The following EFCAB7 variants were observed in gnomAD, a reference collection of about 807,000 sequenced individuals.
The protein encoded by EFCAB7 is EF-hand calcium binding domain 7, also known as EF-hand calcium-binding domain-containing protein 7.
Under a neutral mutation model 77.1 loss-of-function variants are expected in EFCAB7, and 66 were observed. That is an observed-to-expected ratio of 0.86 (90% CI 0.70 to 1.05). The LOEUF (loss-of-function observed/expected upper bound fraction) is 1.05, where lower values mean the gene tolerates loss of function less well. Ranked by LOEUF, EFCAB7 falls within the 50% of genes least tolerant of loss-of-function variation. The pLI, the probability that EFCAB7 is intolerant of heterozygous loss-of-function variation, is 0.00. For synonymous variants in EFCAB7, 225 were observed against 243.3 expected (o/e 0.92, Z 0.70); for missense variants, 638 against 730.5 (o/e 0.87, Z 1.46).
intron 11 of EFCAB7, among the ~76,000 whole-genome samples, chr1:63,562,449 T>TTTTATATA (rs1647115904): frequency 4.4e-5 from 1 of 22,484 alleles, no homozygotes; most frequent in Non-Finnish European, 7.5e-5. Flanking sequence ...CTTAATTTAT[T>TTTTATATA]TATATATATA....
chr1:63,530,428 T>C (rs1218909292), intron 2 of EFCAB7, among the ~76,000 whole-genome samples: 1 of 152,236 alleles, frequency 6.6e-6, no homozygotes, highest in East Asian at 1.9e-4. Context: ...AAATTTATCA[T>C]TGGTTCATTT....
intron 7 of EFCAB7, among the ~76,000 whole-genome samples, chr1:63,551,388 C>G (rs887928792): frequency 6.6e-6 from 1 of 152,078 alleles, no homozygotes; most frequent in African/African-American, 2.4e-5. Context: ...GTCAGGAGAT[C>G]GAGACCATCC....
chr1:63,561,748 G>A lies in EFCAB7; in HGVS notation c.1388G>A (p.Gly463Glu). Reference sequence around the variant, plus strand: ...AAGAGGAATGAACTAACAAGACAAGGATTTATGGATTTGAATCTAATGGAA... The same window carrying A: ...AAGAGGAATGAACTAACAAGACAAGAATTTATGGATTTGAATCTAATGGAA... ...DTKRNELTRQ[G>E]FMDLNLMEAN... The change falls in exon 11 of 14, where the codon GGA becomes GAA. Residue 463 changes from glycine (G) to glutamate (E), a missense_variant. Coordinates refer to ENST00000371088, the MANE Select transcript of EFCAB7 (RefSeq NM_032437.4). 1 of 1,609,492 alleles carries A rather than the reference G, an allele frequency of 6.2e-7. No homozygotes were observed.
At chr1:63,569,909 T>C (rs1343201613) in intron 12 of EFCAB7, 2 of 152,184 alleles carry the variant, frequency 1.3e-5, no homozygotes, top group African/African-American at 4.8e-5. Flanking sequence ...AGGGAGTTAC[T>C]ACGTTACCCC....
At chr1:63,539,146 C>T (rs559410039) in intron 6 of EFCAB7, among the ~76,000 whole-genome samples, 8 of 152,318 alleles carry the variant, frequency 5.3e-5, no homozygotes, top group African/African-American at 1.7e-4. Context: ...TAATCTGTGG[C>T]ACTGCCCCAG....
chr1:63,576,036 TGC>T (rs1321408748), downstream of EFCAB7, among the ~76,000 whole-genome samples: 1 of 152,228 alleles, frequency 6.6e-6, no homozygotes, highest in Non-Finnish European at 1.5e-5. Flanking sequence ...CTATCTTTGA[TGC>T]TCAGCCTAGC....
chr1:63,526,421 C>G (rs1159870974), intron 2 of EFCAB7, among the ~76,000 whole-genome samples: 1 of 152,088 alleles, frequency 6.6e-6, no homozygotes, highest in Non-Finnish European at 1.5e-5. Flanking sequence ...AGGCTAATAA[C>G]TTTATGGGTA....
chr1:63,582,928 T>A, the EFCAB7 span, among the ~76,000 whole-genome samples: 1 of 152,166 alleles, frequency 6.6e-6, no homozygotes, highest in Non-Finnish European at 1.5e-5. Flanking sequence ...TTTAAGGATA[T>A]TAAGCTCAAA....
chr1:63,525,204 G>GT (rs966922852), intron 1 of EFCAB7, among the ~76,000 whole-genome samples: 10 of 152,026 alleles, frequency 6.6e-5, no homozygotes, highest in Non-Finnish European at 1.3e-4. Context: ...TCTGACTTTC[G>GT]TATTTTGAGA....
intron 7 of EFCAB7, among the ~76,000 whole-genome samples, chr1:63,546,448 T>A (rs1646899400): frequency 6.6e-6 from 1 of 151,930 alleles, no homozygotes; most frequent in Admixed American, 6.6e-5. Context: ...CACTGCAACC[T>A]CCGCCTCCTG....
At chr1:63,536,182 A>G (rs1034740386) in intron 6 of EFCAB7, among the ~76,000 whole-genome samples, 2 of 152,240 alleles carry the variant, frequency 1.3e-5, no homozygotes, top group African/African-American at 4.8e-5. Flanking sequence ...TGAGTTTCAT[A>G]TAAAATGTAA....
rs772881848 is a variant in EFCAB7 at position 63,572,400 on chromosome 1, A to G, written c.1816-42A>G. ...GTTTAAAAATTAGCCAAAAGTAACA[A>G]TATATAAAAAGAGAGTAAAAGCTTT... On this transcript the variant is annotated intron_variant, in intron 13 of 13. Coordinates refer to ENST00000371088, the MANE Select transcript of EFCAB7 (RefSeq NM_032437.4). The G allele has an allele frequency of 6.6e-6, 10 of 1,524,760 alleles. No individual in the cohort carries two copies. The Admixed American group carries it at 1.5e-4, about 23-fold the overall frequency. The allele number at this position is 1,524,760 out of a possible 1,614,324, so 94.5% of individuals were successfully genotyped here.
In EFCAB7 at chr1:63,551,834, A is replaced by C. The variant is rs749022573; in HGVS notation, c.1056A>C (p.Glu352Asp). Residue 352 changes from glutamate to aspartate, a missense_variant and splice_region_variant, in exon 8 of 14, where the codon GAA becomes GAC. Coordinates refer to ENST00000371088, the MANE Select transcript of EFCAB7 (RefSeq NM_032437.4). ...GTTTTACCGAACTACGAAATAGAGAAGTATACATATTTATTTTCTAATGTT... is the reference window on the plus strand; with the variant it reads ...GTTTTACCGAACTACGAAATAGAGACGTATACATATTTATTTTCTAATGTT... ...LVCFTELRNR[E>D]VFGWTGELGP... is the part of the protein sequence containing the mutation. 4 of 1,542,744 alleles carry C rather than the reference A, an allele frequency of 2.6e-6. No homozygotes were observed. In the Admixed American group the frequency reaches 5.8e-5, roughly 23 times the overall value.
chr1:63,582,250 G>A, the EFCAB7 span, among the ~76,000 whole-genome samples: 2 of 152,224 alleles, frequency 1.3e-5, no homozygotes, highest in African/African-American at 4.8e-5. Context: ...TGCCACTAGT[G>A]ACATTAGTGA....
downstream of EFCAB7, among the ~76,000 whole-genome samples, chr1:63,577,192 A>G (rs181876557): frequency 3.8e-3 from 583 of 152,140 alleles, 3 homozygotes; most frequent in African/African-American, 0.013. Flanking sequence ...AAAAATATAT[A>G]TGAATATTTA....
In EFCAB7 at chr1:63,524,772, C is replaced by G. The variant is rs577456316; in HGVS notation, c.-1-800C>G. Among the ~76,000 whole-genome samples the G allele has an allele frequency of 3.9e-5, 6 of 152,216 alleles. No homozygotes were observed. The South Asian group carries it at 1.0e-3, about 26-fold the overall frequency. On this transcript the variant is annotated intron_variant, in intron 1 of 13. Coordinates refer to ENST00000371088, the MANE Select transcript of EFCAB7 (RefSeq NM_032437.4). ...TTGCCACTTACTGCTAGCTGGGTGACATTGCTACCCCTCAATTTCCTCATC... is the reference window on the plus strand; with the variant it reads ...TTGCCACTTACTGCTAGCTGGGTGAGATTGCTACCCCTCAATTTCCTCATC...
At chr1:63,540,626 C>T (rs930632010) in intron 6 of EFCAB7, among the ~76,000 whole-genome samples, 11 of 152,020 alleles carry the variant, frequency 7.2e-5, no homozygotes, top group Non-Finnish European at 1.2e-4. Context: ...TCATATCTAC[C>T]CCATACTGCC....
chr1:63,560,261 A>AT (rs1198509125), intron 10 of EFCAB7, among the ~76,000 whole-genome samples: 1 of 151,960 alleles, frequency 6.6e-6, no homozygotes, highest in South Asian at 2.1e-4. Flanking sequence ...CCAAGTGTTA[A>AT]TTTTTTAAAA....
At chr1:63,562,730 ATATT>A (rs1025910947) in intron 11 of EFCAB7, among the ~76,000 whole-genome samples, 1 of 147,820 alleles carries the variant, frequency 6.8e-6, no homozygotes, top group African/African-American at 2.5e-5. Flanking sequence ...GCTAATTTCT[ATATT>A]TTATGTCAGA....
Sources: gnomAD v4.1 joint callset for allele counts (sites outside exome capture counted in the v4.1 genomes callset) on GRCh38, gnomAD v4.1.1 for gene constraint, MANE v1.5 for transcripts, NCBI Gene and HGNC (gene_info 2026-07-23, HGNC 2026-07-21) for gene names.